FKBP15: variants seen among roughly 807,000 people sequenced by gnomAD.
FKBP15 encodes the protein FK506-binding protein 15.
A neutral mutation model predicts 158.1 loss-of-function variants in FKBP15; 106 were observed. The ratio of observed to expected loss-of-function variants is 0.67; its 90% CI spans 0.57 to 0.79. FKBP15 has a LOEUF of 0.79. FKBP15 is among the 30% of genes least tolerant of loss of function. The pLI is 0.00. For missense variants in FKBP15, 1,287 were observed against 1,479.1 expected, an observed-to-expected ratio of 0.87 and a Z score of 2.13; for synonymous variants, 547 against 548.6, an observed-to-expected ratio of 1.00 and a Z score of 0.04.
chr9:113,180,010 T>C (rs1830364518), intron 19 of FKBP15, among the ~76,000 whole-genome samples: 1 of 152,160 alleles, frequency 6.6e-6, no homozygotes, highest in Admixed American at 6.5e-5. Flanking sequence ...AACTCAGAGC[T>C]CAGAGAGCTT....
intron 18 of FKBP15, 49 bp downstream of exon 18, chr9:113,183,702 A>G (rs377438237): frequency 1.4e-5 from 18 of 1,260,022 alleles, no homozygotes; most frequent in Admixed American, 1.8e-5. Flanking sequence ...GGGCATATAC[A>G]TAATAAACCC....
intron 26 of FKBP15, among the ~76,000 whole-genome samples, chr9:113,168,991 T>G (rs796553195): frequency 4.3e-4 from 62 of 145,836 alleles, no homozygotes; most frequent in Middle Eastern, 3.5e-3. Context: ...ACTACCACAG[T>G]GCCCGCCACA....
intron 4 of FKBP15, among the ~76,000 whole-genome samples, chr9:113,204,954 C>G (rs929244685): frequency 6.6e-6 from 1 of 151,976 alleles, no homozygotes; most frequent in African/African-American, 2.4e-5. Flanking sequence ...ATTTGTGAGT[C>G]TGCTCCTAGT....
At chr9:113,192,835 C>A (rs1349149762) in intron 11 of FKBP15, among the ~76,000 whole-genome samples, 1 of 152,158 alleles carries the variant, frequency 6.6e-6, no homozygotes, top group Non-Finnish European at 1.5e-5. Context: ...ATTAAGGTCA[C>A]AGAAAGCAAG....
intron 1 of FKBP15, among the ~76,000 whole-genome samples, chr9:113,219,831 G>C (rs1426265088): frequency 9.2e-5 from 14 of 152,058 alleles, no homozygotes; most frequent in Non-Finnish European, 2.1e-4. Flanking sequence ...AGGGAAAAAA[G>C]GAACAAAAGC....
chr9:113,188,309 C>A (rs1830517591), intron 13 of FKBP15, 80 bp downstream of exon 13: 3 of 1,086,538 alleles, frequency 2.8e-6, no homozygotes, highest in Admixed American at 1.8e-5. Context: ...AACAATGCAG[C>A]CTAACAGTTT....
chr9:113,163,178 T>C lies in FKBP15; in HGVS notation c.*2900A>G, dbSNP rs1435549864. ...GCTGTGACCAAAGGGAGAATGGAGA[T>C]AACAGGGGTGGCAGGGTTACTGAGC... On this transcript the variant is annotated 3_prime_UTR_variant, in exon 28 of 28. Transcript: ENST00000238256. 1 of 301,686 alleles carries C rather than the reference T, an allele frequency of 3.3e-6. No homozygotes were observed. Among genetic ancestry groups the C allele is most frequent in the Non-Finnish European group, 6.1e-6 (1 of 164,110 alleles). 18.7% of individuals were successfully genotyped at this position (301,686 alleles called of 1,614,324 possible).
At chr9:113,218,284 G>T (rs1223506548) in intron 1 of FKBP15, among the ~76,000 whole-genome samples, 3 of 151,270 alleles carry the variant, frequency 2.0e-5, no homozygotes, top group Admixed American at 1.3e-4. Context: ...CTTTCTAGCT[G>T]CATGATCTTG....
intron 1 of FKBP15, among the ~76,000 whole-genome samples, chr9:113,216,647 G>A (rs1831140883): frequency 6.6e-6 from 1 of 152,166 alleles, no homozygotes; most frequent in South Asian, 2.1e-4. Flanking sequence ...AATGTACAAA[G>A]CTTAGCACCT....
At chr9:113,172,575 C>A (rs1232922419) in intron 23 of FKBP15, among the ~76,000 whole-genome samples, 1 of 152,162 alleles carries the variant, frequency 6.6e-6, no homozygotes, top group Non-Finnish European at 1.5e-5. Context: ...CCACCCACGA[C>A]CCTCTGCCTC....
chr9:113,190,006 A>G (rs141974581), intron 12 of FKBP15, among the ~76,000 whole-genome samples: 2 of 152,364 alleles, frequency 1.3e-5, no homozygotes, highest in African/African-American at 4.8e-5. Flanking sequence ...CAATAAAATT[A>G]TTGAACTTCT....
chr9:113,207,348 A>ATTTTTTTTTTTTTTTTTTTTT, intron 2 of FKBP15, 52 bp from the exon 3 acceptor site: 2 of 1,393,626 alleles, frequency 1.4e-6, no homozygotes, highest in Non-Finnish European at 2.0e-6. Context: ...CTTTAAACTA[A>ATTTTTTTTTTTTTTTTTTTTT]TTTTTTTTAA....
At chr9:113,209,913 G>A (rs1830965959) in intron 2 of FKBP15, among the ~76,000 whole-genome samples, 1 of 152,200 alleles carries the variant, frequency 6.6e-6, no homozygotes, top group Non-Finnish European at 1.5e-5. Flanking sequence ...AACTCCATGT[G>A]TTATAACTGT....
In FKBP15 at chr9:113,164,292, C is replaced by G. The variant is rs1323827460; in HGVS notation, c.*1786G>C. ...CATCTGCTACAAAGACAACTCTGCTCAGGGAAACCCAGCCCTGAAATGCTG... is the reference window on the plus strand; with the variant it reads ...CATCTGCTACAAAGACAACTCTGCTGAGGGAAACCCAGCCCTGAAATGCTG... On this transcript the variant is annotated 3_prime_UTR_variant, in exon 28 of 28. Coordinates refer to ENST00000238256, the MANE Select transcript of FKBP15 (RefSeq NM_015258.2). The G allele has an allele frequency of 1.3e-5, 2 of 152,174 alleles. No individual in the cohort carries two copies. Among genetic ancestry groups the G allele is most frequent in the African/African-American group, 4.8e-5 (2 of 41,418 alleles). The allele number at this position is 152,174 out of a possible 1,614,324, so 9.4% of individuals were successfully genotyped here.
chr9:113,205,106 G>A (rs28830537), intron 4 of FKBP15, among the ~76,000 whole-genome samples: 3,061 of 152,066 alleles, frequency 0.02, 50 homozygotes, highest in Non-Finnish European at 0.028. Context: ...GAGGTGAATC[G>A]TCATGACCTT....
At chr9:113,220,318 G>A (rs1017153833) in intron 1 of FKBP15, among the ~76,000 whole-genome samples, 4 of 152,344 alleles carry the variant, frequency 2.6e-5, no homozygotes, top group Admixed American at 6.5e-5. Context: ...AATGATCAGA[G>A]CTTGGTAGCT....
chr9:113,184,511 T>C lies in FKBP15; in HGVS notation c.1609-112A>G, dbSNP rs1830453086. ...GGGTTAATGAGTTCCTGGGACAATCTCTAACTGTTAAGTTAGAGTTTTCTC... is the reference window on the plus strand; with the variant it reads ...GGGTTAATGAGTTCCTGGGACAATCCCTAACTGTTAAGTTAGAGTTTTCTC... On this transcript the variant is annotated intron_variant, in intron 16 of 27. Coordinates refer to ENST00000238256, the MANE Select transcript of FKBP15 (RefSeq NM_015258.2). This position sits in a 1 kb window ranked among gnomAD's most constrained non-coding sequence, Gnocchi z 4.5. 1 of 964,370 alleles carries C rather than the reference T, an allele frequency of 1.0e-6. No individual in the cohort carries two copies. Among genetic ancestry groups the C allele is most frequent in the Non-Finnish European group, 1.6e-6 (1 of 624,552 alleles). 59.7% of individuals were successfully genotyped at this position (964,370 alleles called of 1,614,324 possible).
chr9:113,211,788 A>C (rs1016162799), intron 1 of FKBP15, among the ~76,000 whole-genome samples, 196 bp from the exon 2 acceptor site: 7 of 152,106 alleles, frequency 4.6e-5, no homozygotes, highest in African/African-American at 1.7e-4. Context: ...GGACACAGCA[A>C]AGTGTCTTTG....
At position 113,211,497 on chromosome 9, in the gene FKBP15, C is replaced by G; in HGVS notation, c.149G>C (p.Gly50Ala). 1 of 1,608,226 alleles carries G rather than the reference C, an allele frequency of 6.2e-7. No individual in the cohort carries two copies. Among genetic ancestry groups the G allele is most frequent in the Non-Finnish European group, 8.5e-7 (1 of 1,177,458 alleles). The change falls in exon 2 of 28, where the codon GGC becomes GCC. Residue 50 changes from glycine to alanine, a missense_variant. By Grantham distance (60) the Gly-to-Ala change is moderately conservative. Transcript: ENST00000238256. ...CTTACCTGTTGCTGCCGTTCCCTGG[C>G]CTTTCTTAGGCTGTTTTGGGGCTGT... Reference protein sequence around the residue: ...QYTAPKQPKKGQGTAATGNQA... With the variant: ...QYTAPKQPKKAQGTAATGNQA...
Sources: allele counts gnomAD v4.1 joint callset (sites outside exome capture counted in the v4.1 genomes callset), GRCh38; gene constraint gnomAD v4.1.1; non-coding constraint Gnocchi (gnomAD v3.1); transcripts MANE v1.5; gene names NCBI Gene and HGNC (gene_info 2026-07-23, HGNC 2026-07-21).